The following CAMTA1 variants were observed in gnomAD, a reference collection of about 807,000 sequenced individuals.
The protein encoded by CAMTA1 is calmodulin binding transcription activator 1.
Under a neutral mutation model 170.9 loss-of-function variants are expected in CAMTA1, and 27 were observed. The ratio of observed to expected loss-of-function variants is 0.16; its 90% confidence interval spans 0.12 to 0.22. The LOEUF is 0.22. Ranked by LOEUF, CAMTA1 falls within the 10% of genes least tolerant of loss-of-function variation. CAMTA1 has a pLI of 1.00. For synonymous variants in CAMTA1, 833 were observed against 891.5 expected (o/e 0.93, Z 1.17); for missense variants, 1,619 against 2,217.2 (o/e 0.73, Z 5.42).
chr1:7,036,591 T>C (rs953870498), intron 3 of CAMTA1, among the ~76,000 whole-genome samples: 1 of 152,236 alleles, frequency 6.6e-6, no homozygotes, highest in Non-Finnish European at 1.5e-5. Flanking sequence ...TATGAAGTCA[T>C]GATTGGAAAC....
chr1:7,753,091 A>G (rs1364517921), intron 21 of CAMTA1, among the ~76,000 whole-genome samples: 1 of 152,208 alleles, frequency 6.6e-6, no homozygotes, highest in African/African-American at 2.4e-5. Context: ...GATCACTGGA[A>G]TGCAGCTGTT....
intron 3 of CAMTA1, among the ~76,000 whole-genome samples, chr1:7,025,131 T>TG (rs201166302): frequency 0.021 from 3,145 of 152,310 alleles, 75 homozygotes; most frequent in South Asian, 0.091. Context: ...AAAGCAAAGA[T>TG]GGTTTCATTG....
At chr1:7,030,570 A>G (rs1043377481) in intron 3 of CAMTA1, among the ~76,000 whole-genome samples, 9 of 152,248 alleles carry the variant, frequency 5.9e-5, no homozygotes, top group Admixed American at 1.3e-4. Flanking sequence ...AGTTGAAGTG[A>G]TAGTCTGCCC....
At chr1:6,905,055 C>G (rs962469309) in intron 3 of CAMTA1, among the ~76,000 whole-genome samples, 1 of 152,138 alleles carries the variant, frequency 6.6e-6, no homozygotes, top group Non-Finnish European at 1.5e-5. Flanking sequence ...TGTGGCACTC[C>G]CTGGAGTCAT....
rs111749272 is a variant in CAMTA1, at chr1:7,284,618, C to T, written c.438+34992C>T. 5.0e-3 allele frequency among the ~76,000 whole-genome samples: 760 copies of T among 152,300 alleles called. 3 individuals carry two copies. Among genetic ancestry groups the T allele is most frequent in the African/African-American group, 0.017 (705 of 41,568 alleles). On this transcript the variant is annotated intron_variant, in intron 5 of 22. Coordinates refer to ENST00000303635, the MANE Select transcript of CAMTA1 (RefSeq NM_015215.4). ...CTAACTGCAGAGTAAGTCCTTCATG[C>T]GACGTTTGCTGTGGCTCCTGGCATT...
rs1685028466 is a variant in CAMTA1, at chr1:6,934,773, A to C, written c.234+109563A>C. On this transcript the variant is annotated intron_variant, in intron 3 of 22. Coordinates refer to ENST00000303635, the MANE Select transcript of CAMTA1 (RefSeq NM_015215.4). This position sits in a 1 kb window ranked among gnomAD's most constrained non-coding sequence, Gnocchi z 4.5. ...TATCTTGCAGAGGGCGTATGGTTGG[A>C]GAGGAAGGCAGGGCTCTGAGGATGC... Among the ~76,000 whole-genome samples the C allele has an allele frequency of 6.6e-6, 1 of 150,788 alleles. No individual in the cohort carries two copies. Among genetic ancestry groups the C allele is most frequent in the African/African-American group, 2.4e-5 (1 of 40,844 alleles).
intron 3 of CAMTA1, among the ~76,000 whole-genome samples, chr1:6,930,690 C>A (rs1029232964): frequency 6.6e-6 from 1 of 152,196 alleles, no homozygotes; most frequent in East Asian, 1.9e-4. Context: ...TGCTTCCACA[C>A]CCCTCTTGGG....
chr1:7,604,585 T>A (rs2095471556), intron 6 of CAMTA1, among the ~76,000 whole-genome samples: 1 of 152,086 alleles, frequency 6.6e-6, no homozygotes, highest in African/African-American at 2.4e-5. Flanking sequence ...ATTCATCTAA[T>A]TTTTTTTCAA....
At chr1:7,340,513 C>T (rs986109670) in intron 5 of CAMTA1, among the ~76,000 whole-genome samples, 8 of 150,068 alleles carry the variant, frequency 5.3e-5, no homozygotes, top group African/African-American at 2.0e-4. Flanking sequence ...TGGTTGCTTT[C>T]TCCTATGAGC....
chr1:7,567,651 G>A (rs1158737926), intron 6 of CAMTA1, among the ~76,000 whole-genome samples: 1 of 152,190 alleles, frequency 6.6e-6, no homozygotes, highest in African/African-American at 2.4e-5. Context: ...AATCACCCAA[G>A]GACCTTATGA....
intron 4 of CAMTA1, among the ~76,000 whole-genome samples, chr1:7,225,151 C>A (rs1371245433): frequency 6.6e-6 from 1 of 151,996 alleles, no homozygotes; most frequent in African/African-American, 2.4e-5. Flanking sequence ...GTGGCACGAT[C>A]GCAGCTCACT....
In CAMTA1 at chr1:6,947,526, G is replaced by A. The variant is rs144653077; in HGVS notation, c.234+122316G>A. ...CTCCTGAGTAGCTGGGATTACAGGC[G>A]CGTGTCACCATGCCTGACTAATTTT... On this transcript the variant is annotated intron_variant, in intron 3 of 22. Coordinates refer to ENST00000303635, the MANE Select transcript of CAMTA1 (RefSeq NM_015215.4). Among the ~76,000 whole-genome samples the A allele has an allele frequency of 3.4e-3, 518 of 150,360 alleles. 4 individuals are homozygous for A. The highest frequency in any genetic ancestry group is 0.011 in the African/African-American group (442 of 40,800).
chr1:6,952,973 T>C (rs924770620), intron 3 of CAMTA1, among the ~76,000 whole-genome samples: 2 of 152,154 alleles, frequency 1.3e-5, no homozygotes, highest in African/African-American at 4.8e-5. Flanking sequence ...CTGGGTTCTG[T>C]TTCCTTCCCG....
At chr1:7,056,767 C>T (rs1486643330) in intron 3 of CAMTA1, among the ~76,000 whole-genome samples, 2 of 152,084 alleles carry the variant, frequency 1.3e-5, no homozygotes, top group African/African-American at 4.8e-5. Flanking sequence ...ATGGGGCCTG[C>T]ACTGCTGGGA....
chr1:7,217,144 G>A (rs1015761786), intron 4 of CAMTA1, among the ~76,000 whole-genome samples: 8 of 152,114 alleles, frequency 5.3e-5, no homozygotes, highest in Admixed American at 2.0e-4. Flanking sequence ...TAAATCATGG[G>A]GACAGTTTCC....
chr1:6,797,585 C>A (rs1251233425), intron 1 of CAMTA1, among the ~76,000 whole-genome samples: 3 of 151,880 alleles, frequency 2.0e-5, no homozygotes, highest in African/African-American at 7.3e-5. Flanking sequence ...CGGGGTTTTA[C>A]CATGTTGGCC....
chr1:7,327,704 G>A (rs1223694960), intron 5 of CAMTA1, among the ~76,000 whole-genome samples: 1 of 152,122 alleles, frequency 6.6e-6, no homozygotes, highest in Non-Finnish European at 1.5e-5. Context: ...TGGGAGGAGG[G>A]ACTGTTTATG....
chr1:7,255,366 T>C (rs1222007003), intron 5 of CAMTA1, among the ~76,000 whole-genome samples: 1 of 152,170 alleles, frequency 6.6e-6, no homozygotes, highest in African/African-American at 2.4e-5. Context: ...TGTGGACAGA[T>C]TATTTTACTC....
At chr1:7,101,877 C>T (rs757523698) in intron 4 of CAMTA1, among the ~76,000 whole-genome samples, 10 of 152,162 alleles carry the variant, frequency 6.6e-5, no homozygotes, top group East Asian at 1.9e-4. Context: ...AATACAGACA[C>T]GGAGCATATA....
Sources: gnomAD v4.1 joint callset for allele counts (sites outside exome capture counted in the v4.1 genomes callset) on GRCh38, gnomAD v4.1.1 for gene constraint, Gnocchi (gnomAD v3.1) non-coding constraint, MANE v1.5 for transcripts, NCBI Gene and HGNC (gene_info 2026-07-23, HGNC 2026-07-21) for gene names.